The following MAGI2 variants were observed in gnomAD, a reference collection of about 807,000 sequenced individuals.
The protein encoded by MAGI2 is membrane associated guanylate kinase, WW and PDZ domain containing 2, also known as membrane-associated guanylate kinase, WW and PDZ domain-containing protein 2.
MAGI2 carries 35 observed loss-of-function variants against 133.3 expected under a neutral mutation model. That is an observed-to-expected ratio of 0.26 (90% CI 0.20 to 0.35). MAGI2 has a LOEUF of 0.35. Ranked by LOEUF, MAGI2 falls within the 10% of genes least tolerant of loss-of-function variation. The pLI is 1.00. For missense variants in MAGI2, 1,636 were observed against 1,863.4 expected (o/e 0.88, Z 2.25); for synonymous variants, 729 against 710.6 (o/e 1.03, Z -0.41).
chr7:79,308,138 G>A (rs749546241), intron 1 of MAGI2, among the ~76,000 whole-genome samples: 2 of 152,154 alleles, frequency 1.3e-5, no homozygotes, highest in Non-Finnish European at 2.9e-5. Context: ...TGAATGCTGT[G>A]TGTATGAAAA....
At chr7:78,540,426 C>T (rs1470430070) in intron 3 of MAGI2, among the ~76,000 whole-genome samples, 2 of 152,172 alleles carry the variant, frequency 1.3e-5, no homozygotes, top group Non-Finnish European at 2.9e-5. Flanking sequence ...CTCACTCCCA[C>T]TGTGCCCCAC....
chr7:79,168,655 C>G (rs1048057271), intron 1 of MAGI2, among the ~76,000 whole-genome samples: 1 of 151,532 alleles, frequency 6.6e-6, no homozygotes, highest in African/African-American at 2.4e-5. Flanking sequence ...TTTGGAATGG[C>G]CCACATTTCA....
intron 2 of MAGI2, among the ~76,000 whole-genome samples, chr7:78,910,430 A>G (rs935611777): frequency 1.3e-5 from 2 of 152,274 alleles, no homozygotes; most frequent in Middle Eastern, 3.4e-3. Flanking sequence ...ATAATAACAG[A>G]AAGGTAATAA....
At chr7:79,428,906 A>C (rs182178898) in intron 1 of MAGI2, among the ~76,000 whole-genome samples, 1 of 152,124 alleles carries the variant, frequency 6.6e-6, no homozygotes, top group African/African-American at 2.4e-5. Flanking sequence ...CCAATAGGTA[A>C]TTTTTTTAGA....
chr7:78,715,225 AT>A (rs1819590250), intron 2 of MAGI2, among the ~76,000 whole-genome samples: 1 of 152,160 alleles, frequency 6.6e-6, no homozygotes, highest in South Asian at 2.1e-4. Flanking sequence ...TAAGGATGAA[AT>A]AACAGCAAGA....
chr7:79,268,041 T>G (rs976613508), intron 1 of MAGI2, among the ~76,000 whole-genome samples: 1 of 152,208 alleles, frequency 6.6e-6, no homozygotes, highest in Admixed American at 6.5e-5. Flanking sequence ...CAATGATATT[T>G]CAGGGAGGAG....
intron 1 of MAGI2, among the ~76,000 whole-genome samples, chr7:79,339,948 G>A (rs28410701): frequency 0.44 from 66,578 of 151,868 alleles, 17,127 homozygotes; most frequent in African/African-American, 0.71. Flanking sequence ...GTATCAATTT[G>A]CTAGAATATG....
At chr7:78,592,708 G>C (rs1018915244) in intron 3 of MAGI2, among the ~76,000 whole-genome samples, 1 of 152,070 alleles carries the variant, frequency 6.6e-6, no homozygotes, top group Non-Finnish European at 1.5e-5. Context: ...GAACTGTCAG[G>C]GGAGGGAATG....
chr7:78,302,629 A>C (rs1244643169), intron 9 of MAGI2, among the ~76,000 whole-genome samples: 1 of 152,168 alleles, frequency 6.6e-6, no homozygotes, highest in Non-Finnish European at 1.5e-5. Context: ...ATCCACTCCC[A>C]TTTATTGAGT....
chr7:78,894,432 A>G (rs1419907265), intron 2 of MAGI2, among the ~76,000 whole-genome samples: 3 of 152,156 alleles, frequency 2.0e-5, no homozygotes, highest in African/African-American at 7.2e-5. Context: ...TATTCTTAAA[A>G]CATAAGAAAA....
chr7:79,269,724 T>C (rs1473054647), intron 1 of MAGI2, among the ~76,000 whole-genome samples: 1 of 152,180 alleles, frequency 6.6e-6, no homozygotes, highest in Non-Finnish European at 1.5e-5. Flanking sequence ...CTGTTTTTGG[T>C]TATTCCTGGT....
intron 20 of MAGI2, among the ~76,000 whole-genome samples, chr7:78,103,735 T>C (rs1230449353): frequency 6.6e-6 from 1 of 152,254 alleles, no homozygotes; most frequent in African/African-American, 2.4e-5. Flanking sequence ...TAAATACATG[T>C]TCAATTGCTC....
At chr7:79,110,489 G>A (rs1175805470) in intron 1 of MAGI2, among the ~76,000 whole-genome samples, 1 of 152,122 alleles carries the variant, frequency 6.6e-6, no homozygotes, top group African/African-American at 2.4e-5. Context: ...CCATTCTTTT[G>A]GCTGATTTCT....
chr7:79,313,035 A>G (rs1273086436), intron 1 of MAGI2, among the ~76,000 whole-genome samples: 1 of 152,184 alleles, frequency 6.6e-6, no homozygotes, highest in Non-Finnish European at 1.5e-5. Flanking sequence ...TAAATAATAC[A>G]TTTTAAACAT....
intron 20 of MAGI2, among the ~76,000 whole-genome samples, chr7:78,117,500 G>A (rs1229017614): frequency 1.3e-5 from 2 of 151,924 alleles, no homozygotes; most frequent in Non-Finnish European, 2.9e-5. Flanking sequence ...AACTCTCCTA[G>A]CAAACTAGTA....
At chr7:78,393,405 CCAGAGA>C (rs112845691) in intron 6 of MAGI2, among the ~76,000 whole-genome samples, 25 of 152,302 alleles carry the variant, frequency 1.6e-4, no homozygotes, top group African/African-American at 6.0e-4. Context: ...GGCAGTTTGG[CCAGAGA>C]CAGCAGTGTC....
At chr7:78,211,454 T>C (rs1396533736) in intron 10 of MAGI2, among the ~76,000 whole-genome samples, 1 of 152,202 alleles carries the variant, frequency 6.6e-6, no homozygotes, top group Non-Finnish European at 1.5e-5. Flanking sequence ...ACTAGCTATG[T>C]GGTCTCACAT....
At chr7:78,456,957 C>T (rs1232571335) in intron 6 of MAGI2, 1 of 152,186 alleles carries the variant, frequency 6.6e-6, no homozygotes, top group Non-Finnish European at 1.5e-5. Context: ...GTGAACACAT[C>T]TGTAAGAGAC....
chr7:78,115,945 A>C lies in MAGI2; in HGVS notation c.3567+9749T>G, dbSNP rs185230559. ...AATTAGTAAGACTATAAAATAGCTG[A>C]ATAGTTCAATAACCAAACCTTATCC... is the stretch of plus-strand genomic sequence containing the variant. On this transcript the variant is annotated intron_variant, in intron 20 of 21. Transcript: ENST00000354212. 8.5e-4 allele frequency among the ~76,000 whole-genome samples: 130 copies of C among 152,388 alleles called. 2 individuals carry two copies. The highest frequency in any genetic ancestry group is 1.5e-4 in the Non-Finnish European group (10 of 68,038).
Sources: allele counts gnomAD v4.1 joint callset (sites outside exome capture counted in the v4.1 genomes callset), GRCh38; gene constraint gnomAD v4.1.1; transcripts MANE v1.5; gene names NCBI Gene and HGNC (gene_info 2026-07-23, HGNC 2026-07-21).